RB1CC1: variants seen among roughly 807,000 people sequenced by gnomAD.
The protein encoded by RB1CC1 is RB1-inducible coiled-coil protein 1.
In RB1CC1, 46 loss-of-function variants were observed where a neutral mutation model predicts 177.5. That is an observed-to-expected ratio of 0.26 (90% confidence interval 0.20 to 0.33). RB1CC1 has a LOEUF of 0.33. Ranked by LOEUF, RB1CC1 falls within the 10% of genes least tolerant of loss-of-function variation. The probability of loss-of-function intolerance (pLI) is 1.00; values close to 1 mark genes in which losing one functional copy is unlikely to be tolerated. For synonymous variants in RB1CC1, 666 were observed against 613.6 expected, an observed-to-expected ratio of 1.09 and a Z score of -1.26; for missense variants, 1,703 against 1,816.3, an observed-to-expected ratio of 0.94 and a Z score of 1.13.
Position 52,656,453 on chromosome 8 carries a change from T to G in RB1CC1, c.3376A>C (p.Arg1126=). ...TCTTTTTCAATTGTCATTAAAGTTC[T>G]TAGCTCTGCTAAGCCCACCTGATAA... ...ENYQVGLAEL[R]TLMTIEKDQC... is the part of the protein sequence containing the mutation. Residue 1126 remains arginine (R), a synonymous_variant, in exon 15 of 24, where the codon AGA becomes CGA. Transcript: ENST00000025008. 4 of 1,611,636 alleles carry G rather than the reference T, an allele frequency of 2.5e-6. No homozygotes were observed. The South Asian group carries it at 4.4e-5, about 18-fold the overall frequency.
In RB1CC1 at chr8:52,698,835, G is replaced by T. The variant is rs1050783503; in HGVS notation, c.-166-11868C>A. On this transcript the variant is annotated intron_variant, in intron 1 of 23. Transcript: ENST00000025008. ...CCTCGGAGTAGCTGGGACTACAGGC[G>T]CCTGCCACCACGCCCGGCTAATTGT... Among the ~76,000 whole-genome samples the T allele has an allele frequency of 3.3e-5, 5 of 150,912 alleles. No homozygotes were observed. In the East Asian group the frequency reaches 9.8e-4, roughly 29 times the overall value.
intron 1 of RB1CC1, among the ~76,000 whole-genome samples, chr8:52,711,112 GA>G (rs913434441): frequency 5.7e-4 from 87 of 151,832 alleles, no homozygotes; most frequent in Admixed American, 5.3e-3. Context: ...AATCATGGAT[GA>G]AAAAAAATGG....
At chr8:52,684,470 T>A (rs1352125315) in intron 3 of RB1CC1, among the ~76,000 whole-genome samples, 1 of 152,198 alleles carries the variant, frequency 6.6e-6, no homozygotes, top group Non-Finnish European at 1.5e-5. Flanking sequence ...ATAATTCCAA[T>A]GTCAGTTTTA....
chr8:52,667,957 AT>A, intron 8 of RB1CC1, 63 bp downstream of exon 8: 1 of 1,495,238 alleles, frequency 6.7e-7, no homozygotes, highest in Non-Finnish European at 9.1e-7. Flanking sequence ...TTGATACTGC[AT>A]ATAAAACATG....
chr8:52,661,717 T>C lies in RB1CC1; in HGVS notation c.1176A>G (p.Gly392=). The C allele has an allele frequency of 6.5e-7, 1 of 1,546,312 alleles. No homozygotes were observed. The highest frequency in any genetic ancestry group is 8.7e-7 in the Non-Finnish European group (1 of 1,149,612). ...LVNEQKELAQ[G]FLANQKRAEN... ...CAGCTCTCTTCTGATTAGCTAAAAATCCCTTTGAGAAAAAAAATGTTTCAA... is the reference window on the plus strand; with the variant it reads ...CAGCTCTCTTCTGATTAGCTAAAAACCCCTTTGAGAAAAAAAATGTTTCAA... The change falls in exon 9 of 24, where the codon GGA becomes GGG. Residue 392 remains glycine, a splice_region_variant and synonymous_variant. Coordinates refer to ENST00000025008, the MANE Select transcript of RB1CC1 (RefSeq NM_014781.5).
intron 1 of RB1CC1, among the ~76,000 whole-genome samples, chr8:52,706,287 G>T (rs1856539902): frequency 6.6e-6 from 1 of 151,204 alleles, no homozygotes; most frequent in Non-Finnish European, 1.5e-5. Flanking sequence ...GGTCCTAGGG[G>T]AGTTCTGCCC....
chr8:52,712,661 T>A (rs1857158330), intron 1 of RB1CC1, among the ~76,000 whole-genome samples: 1 of 152,208 alleles, frequency 6.6e-6, no homozygotes, highest in African/African-American at 2.4e-5. Context: ...ATATGAACTA[T>A]GTCAATATCC....
At chr8:52,666,500 A>G (rs1852079534) in intron 8 of RB1CC1, among the ~76,000 whole-genome samples, 1 of 150,788 alleles carries the variant, frequency 6.6e-6, no homozygotes, top group East Asian at 1.9e-4. Flanking sequence ...TCTGGGCTAC[A>G]AGAGCGAAAC....
chr8:52,670,943 G>A (rs1219756780), intron 7 of RB1CC1, among the ~76,000 whole-genome samples: 20 of 147,256 alleles, frequency 1.4e-4, no homozygotes, highest in African/African-American at 2.0e-4. Flanking sequence ...GTGACAGAGC[G>A]AGACTCCAAC....
chr8:52,630,477 T>C lies in RB1CC1; in HGVS notation c.4492A>G (p.Ile1498Val). 3 of 1,583,982 alleles carry C rather than the reference T, an allele frequency of 1.9e-6. No homozygotes were observed. The highest frequency in any genetic ancestry group is 2.6e-6 in the Non-Finnish European group (3 of 1,168,526). The change falls in exon 21 of 24, where the codon ATT becomes GTT. Residue 1498 changes from isoleucine (I) to valine (V), a missense_variant. Around this residue, in one of 6 missense-constraint regions of RB1CC1, gnomAD observed 70 missense variants for 118.0 expected, o/e 0.59. Transcript: ENST00000025008. ...CAAAACTAAAATACTTACTCTCTAA[T>C]AGCTATCTTTTCAGAATGCCTTGAA... ...VSSRHSEKIA[I>V]RDFQVGDLVL...
chr8:52,714,432 C>G lies in RB1CC1; in HGVS notation c.-524G>C, dbSNP rs879602820. 1.3e-5 allele frequency: 2 copies of G among 152,338 alleles called. No individual in the cohort carries two copies. Among genetic ancestry groups the G allele is most frequent in the African/African-American group, 2.4e-5 (1 of 41,464 alleles). The allele number at this position is 152,338 out of a possible 1,614,324, so 9.4% of individuals were successfully genotyped here. On this transcript the variant is annotated 5_prime_UTR_variant, in exon 1 of 24. Transcript: ENST00000025008. The stretch of plus-strand genomic sequence containing the variant: ...CCGCGGCTTGGTTTGTTATTGTCGA[C>G]TCCGTCTCTTCCTCCGCGGCGCATG...
At chr8:52,675,262 A>G (rs1285018760) in intron 6 of RB1CC1, among the ~76,000 whole-genome samples, 1 of 152,188 alleles carries the variant, frequency 6.6e-6, no homozygotes, top group East Asian at 1.9e-4. Flanking sequence ...AAACAGAGAA[A>G]TCTGAATTTA....
chr8:52,695,195 G>C (rs1208537935), intron 1 of RB1CC1, among the ~76,000 whole-genome samples: 2 of 152,058 alleles, frequency 1.3e-5, no homozygotes, highest in African/African-American at 4.8e-5. Context: ...CAAGAGAAAA[G>C]AAATAAAATG....
intron 1 of RB1CC1, among the ~76,000 whole-genome samples, chr8:52,711,310 G>A (rs1354017277): frequency 1.3e-5 from 2 of 152,158 alleles, no homozygotes; most frequent in African/African-American, 4.8e-5. Context: ...CCTAAACAAT[G>A]GGGGTACAGT....
At chr8:52,652,885 CTG>C (rs1302641073) in intron 15 of RB1CC1, among the ~76,000 whole-genome samples, 1 of 151,452 alleles carries the variant, frequency 6.6e-6, no homozygotes, top group Non-Finnish European at 1.5e-5. Flanking sequence ...TGGAGAAACC[CTG>C]TCTCTACTAA....
At chr8:52,647,081 T>C in intron 15 of RB1CC1, among the ~76,000 whole-genome samples, 1 of 152,198 alleles carries the variant, frequency 6.6e-6, no homozygotes, top group East Asian at 1.9e-4. Context: ...ATGTTTCTTA[T>C]GTAATTTCCT....
At chr8:52,662,774 T>C (rs896725554) in intron 8 of RB1CC1, among the ~76,000 whole-genome samples, 2 of 152,202 alleles carry the variant, frequency 1.3e-5, no homozygotes, top group Non-Finnish European at 2.9e-5. Flanking sequence ...ACAATTTTCA[T>C]AGTAACTGTA....
chr8:52,708,275 G>A (rs982481043), intron 1 of RB1CC1, among the ~76,000 whole-genome samples: 1 of 152,194 alleles, frequency 6.6e-6, no homozygotes, highest in Non-Finnish European at 1.5e-5. Flanking sequence ...CCAGCACTTT[G>A]GGAGGCTGAG....
At chr8:52,698,581 G>A (rs1235035408) in intron 1 of RB1CC1, among the ~76,000 whole-genome samples, 2 of 151,096 alleles carry the variant, frequency 1.3e-5, no homozygotes, top group Admixed American at 1.3e-4. Context: ...CAAAGTGCTG[G>A]GATTACAGGT....
Sources: gnomAD v4.1 joint callset for allele counts (sites outside exome capture counted in the v4.1 genomes callset) on GRCh38, gnomAD v4.1.1 for gene constraint, gnomAD v4.1.1 regional missense constraint, MANE v1.5 for transcripts, NCBI Gene and HGNC (gene_info 2026-07-23, HGNC 2026-07-21) for gene names.